The following PPP1R16B variants were observed in gnomAD, a reference collection of about 807,000 sequenced individuals.
PPP1R16B encodes protein phosphatase 1 regulatory subunit 16B.
In PPP1R16B, 14 loss-of-function variants were observed where a neutral mutation model predicts 61.7. The ratio of observed to expected loss-of-function variants is 0.23; its 90% CI spans 0.15 to 0.35. PPP1R16B has a LOEUF of 0.35. Among genes scored for constraint, PPP1R16B ranks in the 10% least tolerant of loss-of-function variants. PPP1R16B has a pLI of 1.00. For missense variants in PPP1R16B, 547 were observed against 752.5 expected (o/e 0.73, Z 3.19); for synonymous variants, 266 against 305.3 (o/e 0.87, Z 1.34).
intron 10 of PPP1R16B, 134 bp downstream of exon 10, chr20:38,908,327 C>T (rs1388303175): frequency 8.9e-7 from 1 of 1,120,888 alleles, no homozygotes; most frequent in South Asian, 1.6e-5. Flanking sequence ...CTAGCATATC[C>T]AGTCTGATGA....
intron 2 of PPP1R16B, among the ~76,000 whole-genome samples, chr20:38,869,905 G>A (rs1164532529): frequency 1.3e-5 from 2 of 151,270 alleles, no homozygotes; most frequent in African/African-American, 4.9e-5. Flanking sequence ...CTTCACTGCA[G>A]AGCAAAAATT....
intron 10 of PPP1R16B, among the ~76,000 whole-genome samples, chr20:38,916,136 T>C (rs1013328651): frequency 7.0e-6 from 1 of 143,122 alleles, no homozygotes; most frequent in Admixed American, 7.2e-5. Flanking sequence ...GAGGCTGAGG[T>C]GGGAGAATCA....
At chr20:38,835,802 C>A in intron 1 of PPP1R16B, 23 bp from the exon 2 acceptor site, 1 of 1,155,516 alleles carries the variant, frequency 8.7e-7, no homozygotes, top group Non-Finnish European at 1.2e-6. Context: ...ATGTGTTCAT[C>A]TGTGTCTCCC....
At chr20:38,889,727 T>C in intron 3 of PPP1R16B, 62 bp downstream of exon 3, 2 of 1,481,002 alleles carry the variant, frequency 1.4e-6, no homozygotes, top group Non-Finnish European at 1.9e-6. Flanking sequence ...GGTACCCTGT[T>C]TCTCGGCACT....
At chr20:38,831,126 A>G (rs2084834418) in intron 1 of PPP1R16B, among the ~76,000 whole-genome samples, 2 of 152,186 alleles carry the variant, frequency 1.3e-5, no homozygotes, top group Admixed American at 1.3e-4. Context: ...CCTTTGTCGA[A>G]TTGCTTGTTG....
At chr20:38,825,587 C>T (rs181697071) in intron 1 of PPP1R16B, among the ~76,000 whole-genome samples, 2 of 152,100 alleles carry the variant, frequency 1.3e-5, no homozygotes, top group Non-Finnish European at 2.9e-5. Context: ...ACAGTTCTTC[C>T]TTTGCTCCCT....
intron 2 of PPP1R16B, among the ~76,000 whole-genome samples, chr20:38,869,761 C>T (rs2085114188): frequency 6.6e-6 from 1 of 151,948 alleles, no homozygotes; most frequent in Non-Finnish European, 1.5e-5. Context: ...AAGTCATGTC[C>T]TGGCCTATGG....
intron 2 of PPP1R16B, among the ~76,000 whole-genome samples, chr20:38,864,083 G>A (rs1322403453): frequency 9.2e-5 from 14 of 152,212 alleles, no homozygotes; most frequent in Non-Finnish European, 1.0e-4. Flanking sequence ...AAAGAAGCCA[G>A]ACACAAAAGG....
At chr20:38,862,534 G>T (rs1180448153) in intron 2 of PPP1R16B, among the ~76,000 whole-genome samples, 1 of 152,182 alleles carries the variant, frequency 6.6e-6, no homozygotes, top group East Asian at 1.9e-4. Flanking sequence ...ATAGCTAGTA[G>T]CCAGAGGTAA....
intron 2 of PPP1R16B, among the ~76,000 whole-genome samples, chr20:38,844,570 C>T (rs561446823): frequency 2.0e-5 from 3 of 152,248 alleles, no homozygotes; most frequent in African/African-American, 7.2e-5. Flanking sequence ...CATTTTGTCA[C>T]ATGGAATATT....
At chr20:38,846,400 TG>T (rs1024313778) in intron 2 of PPP1R16B, among the ~76,000 whole-genome samples, 2 of 152,112 alleles carry the variant, frequency 1.3e-5, no homozygotes, top group African/African-American at 4.8e-5. Flanking sequence ...AGCTGCATGT[TG>T]ACCCAAGAAG....
chr20:38,823,451 G>A lies in PPP1R16B; in HGVS notation c.-101-12374G>A, dbSNP rs370249064. Among the ~76,000 whole-genome samples, 36 of 152,244 alleles carry A rather than the reference G, an allele frequency of 2.4e-4. No homozygotes were observed. The East Asian group carries it at 4.6e-3, about 20-fold the overall frequency. On this transcript the variant is annotated intron_variant, in intron 1 of 10. Coordinates refer to ENST00000299824, the MANE Select transcript of PPP1R16B (RefSeq NM_015568.4). ...AGGTCAGGAGTTCGAGACCAGCCTG[G>A]CCAACATGGTGAAACCTTGTCTCTG...
chr20:38,824,127 T>G (rs1191315120), intron 1 of PPP1R16B, among the ~76,000 whole-genome samples: 1 of 152,118 alleles, frequency 6.6e-6, no homozygotes, highest in African/African-American at 2.4e-5. Context: ...CATTGCAGAG[T>G]TGGTGCAGTG....
intron 10 of PPP1R16B, among the ~76,000 whole-genome samples, chr20:38,909,539 A>C (rs916234080): frequency 1.3e-5 from 2 of 152,160 alleles, no homozygotes; most frequent in African/African-American, 4.8e-5. Context: ...CTGGAGTGGA[A>C]TTGCTGAGGA....
chr20:38,902,881 C>A (rs1447475047), intron 6 of PPP1R16B, 89 bp downstream of exon 6: 3 of 1,575,048 alleles, frequency 1.9e-6, no homozygotes, highest in Non-Finnish European at 2.6e-6. Flanking sequence ...ACCCTTGGGG[C>A]CTGTCTGTGA....
At chr20:38,892,717 G>A (rs1302230700) in intron 3 of PPP1R16B, among the ~76,000 whole-genome samples, 1 of 152,154 alleles carries the variant, frequency 6.6e-6, no homozygotes, top group Non-Finnish European at 1.5e-5. Flanking sequence ...ACTGGGAACC[G>A]ATGACTCGAC....
At chr20:38,827,778 G>C (rs755556206) in intron 1 of PPP1R16B, among the ~76,000 whole-genome samples, 6 of 110,940 alleles carry the variant, frequency 5.4e-5, no homozygotes, top group Non-Finnish European at 1.1e-4. Context: ...ATGAGTTAAA[G>C]CATCTTTATG....
intron 2 of PPP1R16B, among the ~76,000 whole-genome samples, chr20:38,845,622 T>C (rs2084931774): frequency 6.6e-6 from 1 of 152,120 alleles, no homozygotes; most frequent in Admixed American, 6.6e-5. Flanking sequence ...GGAGGAAATG[T>C]ACAAAGGATG....
At chr20:38,841,816 T>A (rs958510492) in intron 2 of PPP1R16B, among the ~76,000 whole-genome samples, 6 of 152,224 alleles carry the variant, frequency 3.9e-5, no homozygotes, top group Non-Finnish European at 8.8e-5. Flanking sequence ...TTCCGCATTT[T>A]GTTTATCCAT....
Sources: gnomAD v4.1 joint callset for allele counts (sites outside exome capture counted in the v4.1 genomes callset) on GRCh38, gnomAD v4.1.1 for gene constraint, MANE v1.5 for transcripts, NCBI Gene and HGNC (gene_info 2026-07-23, HGNC 2026-07-21) for gene names.